PARD3B: variants seen among roughly 807,000 people sequenced by gnomAD.
PARD3B encodes the protein par-3 family cell polarity regulator beta.
A neutral mutation model predicts 130.2 loss-of-function variants in PARD3B; 103 were observed. That is an observed-to-expected ratio of 0.79 (90% CI 0.67 to 0.93). PARD3B has a LOEUF of 0.93. Ranked by LOEUF, PARD3B falls within the 40% of genes least tolerant of loss-of-function variation. PARD3B has a pLI of 0.00. For synonymous variants in PARD3B, 583 were observed against 553.2 expected, an observed-to-expected ratio of 1.05 and a Z score of -0.76; for missense variants, 1,609 against 1,499.2, an observed-to-expected ratio of 1.07 and a Z score of -1.21.
At chr2:205,018,310 C>G (rs1381440404) in intron 3 of PARD3B, among the ~76,000 whole-genome samples, 1 of 152,180 alleles carries the variant, frequency 6.6e-6, no homozygotes, top group African/African-American at 2.4e-5. Flanking sequence ...TTTATTGTAT[C>G]TACTTATTTA....
At chr2:205,328,277 T>C (rs550726973) in intron 18 of PARD3B, among the ~76,000 whole-genome samples, 83 of 152,302 alleles carry the variant, frequency 5.4e-4, no homozygotes, top group African/African-American at 1.9e-3. Flanking sequence ...TGACATTATA[T>C]CATTATCTCT....
chr2:205,552,986 C>T (rs993386590), intron 21 of PARD3B, among the ~76,000 whole-genome samples: 1 of 151,320 alleles, frequency 6.6e-6, no homozygotes, highest in Admixed American at 6.6e-5. Flanking sequence ...TTTCTGTAAA[C>T]CTAAAACTAT....
At chr2:204,873,327 G>GT (rs1299701352) in intron 2 of PARD3B, among the ~76,000 whole-genome samples, 1 of 152,158 alleles carries the variant, frequency 6.6e-6, no homozygotes, top group Admixed American at 6.5e-5. Context: ...GGCGAAAGCT[G>GT]TTTTTCCTAT....
chr2:205,245,463 T>TAATGAA (rs2039531726), intron 15 of PARD3B, among the ~76,000 whole-genome samples: 1 of 152,104 alleles, frequency 6.6e-6, no homozygotes, highest in East Asian at 1.9e-4. Flanking sequence ...CATCCCTGGG[T>TAATGAA]CTATGAATTT....
intron 2 of PARD3B, among the ~76,000 whole-genome samples, chr2:204,797,802 C>T (rs1399809694): frequency 6.6e-6 from 1 of 152,098 alleles, no homozygotes; most frequent in Non-Finnish European, 1.5e-5. Flanking sequence ...TGTCATTGAA[C>T]CAATGAGATA....
chr2:205,219,959 G>A (rs2038152658), intron 15 of PARD3B, among the ~76,000 whole-genome samples: 1 of 152,134 alleles, frequency 6.6e-6, no homozygotes, highest in Non-Finnish European at 1.5e-5. Context: ...TAACTTGGTA[G>A]GTTAGCAAAT....
chr2:204,635,788 A>G (rs953832804), intron 1 of PARD3B, among the ~76,000 whole-genome samples: 13 of 152,180 alleles, frequency 8.5e-5, no homozygotes, highest in Admixed American at 4.6e-4. Context: ...CTTTGTATGG[A>G]AGATAATATA....
intron 18 of PARD3B, among the ~76,000 whole-genome samples, chr2:205,390,078 CTT>C (rs57253232): frequency 0.038 from 5,703 of 151,078 alleles, 312 homozygotes; most frequent in African/African-American, 0.13. Context: ...TATAATAACT[CTT>C]TTTATTGTTT....
At chr2:205,478,782 G>A (rs2049118622) in intron 20 of PARD3B, among the ~76,000 whole-genome samples, 1 of 152,120 alleles carries the variant, frequency 6.6e-6, no homozygotes, top group Non-Finnish European at 1.5e-5. Context: ...TGTGAGCTTG[G>A]ACGTTCTCAC....
chr2:205,567,363 G>A (rs2053387264), intron 22 of PARD3B, among the ~76,000 whole-genome samples: 1 of 126,330 alleles, frequency 7.9e-6, no homozygotes. Context: ...CGCCCAGGAT[G>A]GAGTGCAGTG....
At chr2:205,238,417 G>T (rs1022607976) in intron 15 of PARD3B, among the ~76,000 whole-genome samples, 1 of 152,020 alleles carries the variant, frequency 6.6e-6, no homozygotes, top group Non-Finnish European at 1.5e-5. Flanking sequence ...TCCAGCCAGG[G>T]CAACATAGCA....
chr2:204,554,723 T>A (rs918217179), intron 1 of PARD3B, among the ~76,000 whole-genome samples: 1 of 152,102 alleles, frequency 6.6e-6, no homozygotes, highest in Non-Finnish European at 1.5e-5. Flanking sequence ...AATCAGGTCA[T>A]GTCATTCTTC....
At chr2:204,934,311 C>G (rs1248979570) in intron 2 of PARD3B, among the ~76,000 whole-genome samples, 2 of 152,150 alleles carry the variant, frequency 1.3e-5, no homozygotes, top group Non-Finnish European at 2.9e-5. Flanking sequence ...AACAGTGACA[C>G]TTTGTGGGGA....
At position 204,606,998 on chromosome 2, in the gene PARD3B, A is replaced by C. The variant is rs1013391548; in HGVS notation, c.120+60879A>C. ...CACTTTGATTCTTGCTTTAAAGTAC[A>C]TACTGGTTAGCAAGACTTGAGATTG... On this transcript the variant is annotated intron_variant, in intron 1 of 22. Coordinates refer to ENST00000406610, the MANE Select transcript of PARD3B (RefSeq NM_001302769.2). The surrounding 1 kb of genome is among the most constrained non-coding windows in gnomAD (Gnocchi z 4.0). 6.6e-6 allele frequency among the ~76,000 whole-genome samples: 1 copy of C among 152,140 alleles called. No homozygotes were observed. Among genetic ancestry groups the C allele is most frequent in the African/African-American group, 2.4e-5 (1 of 41,440 alleles).
At chr2:204,762,439 T>C (rs1357436338) in intron 2 of PARD3B, among the ~76,000 whole-genome samples, 1 of 152,134 alleles carries the variant, frequency 6.6e-6, no homozygotes, top group Non-Finnish European at 1.5e-5. Context: ...GGCAAAGATT[T>C]TCTAAAGCTA....
At chr2:204,591,161 A>G (rs1397989639) in intron 1 of PARD3B, among the ~76,000 whole-genome samples, 1 of 152,248 alleles carries the variant, frequency 6.6e-6, no homozygotes, top group African/African-American at 2.4e-5. Context: ...TATTACTTCT[A>G]AACAGGCACA....
chr2:205,615,474 T>G lies in PARD3B; in HGVS notation c.3279T>G (p.Pro1093=), dbSNP rs1054527500. The G allele has an allele frequency of 6.2e-7, 1 of 1,608,218 alleles. No individual in the cohort carries two copies. The highest frequency in any genetic ancestry group is 1.3e-5 in the African/African-American group (1 of 74,854). Residue 1093 remains proline, a synonymous_variant, in exon 23 of 23, where the codon CCT becomes CCG. Transcript: ENST00000406610. ...TTTCCAGGGGAGGACCCGCAGATCC[T>G]GTAGACTATCTGCCAGCAGCACCTC... is the stretch of plus-strand genomic sequence containing the variant. ...ASLPRGGPAD[P]VDYLPAAPRG...
At chr2:205,026,795 TG>T (rs970154322) in intron 3 of PARD3B, among the ~76,000 whole-genome samples, 1 of 152,204 alleles carries the variant, frequency 6.6e-6, no homozygotes, top group African/African-American at 2.4e-5. Context: ...TTTTGGTGTC[TG>T]GCTTATTTCG....
At chr2:205,526,743 G>GTCTT (rs557647751) in intron 21 of PARD3B, among the ~76,000 whole-genome samples, 107 of 152,236 alleles carry the variant, frequency 7.0e-4, no homozygotes, top group African/African-American at 2.5e-3. Flanking sequence ...TTAGTGCTTT[G>GTCTT]TCTTTAGTAA....
Sources: allele counts gnomAD v4.1 joint callset (sites outside exome capture counted in the v4.1 genomes callset), GRCh38; gene constraint gnomAD v4.1.1; non-coding constraint Gnocchi (gnomAD v3.1); transcripts MANE v1.5; gene names NCBI Gene and HGNC (gene_info 2026-07-23, HGNC 2026-07-21).